The following ASTN2 variants were observed in gnomAD, a reference collection of about 807,000 sequenced individuals.
ASTN2 encodes the protein astrotactin-2.
Under a neutral mutation model 139.8 loss-of-function variants are expected in ASTN2, and 54 were observed. The ratio of observed to expected loss-of-function variants is 0.39; its 90% CI spans 0.31 to 0.48. The LOEUF is 0.48. Ranked by LOEUF, ASTN2 falls within the 20% of genes least tolerant of loss-of-function variation. The pLI is 0.95. For synonymous variants in ASTN2, 756 were observed against 719.5 expected, an observed-to-expected ratio of 1.05 and a Z score of -0.81; for missense variants, 1,565 against 1,725.1, an observed-to-expected ratio of 0.91 and a Z score of 1.64.
chr9:116,597,347 C>T (rs966323277), intron 19 of ASTN2, among the ~76,000 whole-genome samples: 2 of 109,400 alleles, frequency 1.8e-5, no homozygotes, highest in Non-Finnish European at 3.4e-5. Flanking sequence ...TCACTCTTGT[C>T]GCCAGGCTGG....
chr9:117,138,923 C>T (rs1381239437), intron 4 of ASTN2, among the ~76,000 whole-genome samples: 2 of 151,908 alleles, frequency 1.3e-5, no homozygotes, highest in Non-Finnish European at 2.9e-5. Context: ...TAGGAGCAGC[C>T]CAAATGCCTA....
chr9:116,426,900 T>C (rs1047838441), intron 22 of ASTN2, among the ~76,000 whole-genome samples: 2 of 152,174 alleles, frequency 1.3e-5, no homozygotes, highest in Admixed American at 1.3e-4. Flanking sequence ...CAATAAATGA[T>C]AGCTACTCTT....
In ASTN2 at chr9:116,699,612, C is replaced by G. The variant is rs1564218609; in HGVS notation, c.2806+26159G>C. The G allele has an allele frequency of 1.2e-6, 2 of 1,614,184 alleles. No homozygotes were observed. Among genetic ancestry groups the G allele is most frequent in the Non-Finnish European group, 8.5e-7 (1 of 1,180,022 alleles). ...ACTTACCTGTCCGGTGGGCATAGCC[C>G]TAACTCCTAAGGGGCAGCTGCTGGT... On this transcript the variant is annotated intron_variant, in intron 16 of 22. Transcript: ENST00000313400. This position sits in a 1 kb window ranked among gnomAD's most constrained non-coding sequence, Gnocchi z 4.2.
chr9:116,616,937 C>T (rs574129109), intron 19 of ASTN2, among the ~76,000 whole-genome samples: 29 of 152,200 alleles, frequency 1.9e-4, no homozygotes, highest in South Asian at 6.2e-4. Flanking sequence ...CTTGCGCAAA[C>T]ACATATGCAC....
intron 16 of ASTN2, among the ~76,000 whole-genome samples, chr9:116,712,851 A>C (rs544449749): frequency 2.0e-5 from 3 of 152,318 alleles, no homozygotes; most frequent in African/African-American, 7.2e-5. Flanking sequence ...CGAACGTAAA[A>C]ATGTGACCTT....
At chr9:117,266,599 T>G (rs185600249) in intron 2 of ASTN2, among the ~76,000 whole-genome samples, 104 of 152,312 alleles carry the variant, frequency 6.8e-4, no homozygotes, top group Middle Eastern at 3.4e-3. Context: ...TTCTCCTAGA[T>G]AACTACACTG....
chr9:117,084,306 G>A (rs1828505760), intron 5 of ASTN2, among the ~76,000 whole-genome samples: 1 of 152,168 alleles, frequency 6.6e-6, no homozygotes, highest in Admixed American at 6.5e-5. Flanking sequence ...CAGAAAGCCT[G>A]TATAAACTAC....
intron 2 of ASTN2, among the ~76,000 whole-genome samples, chr9:117,269,650 G>A (rs1333401293): frequency 6.6e-6 from 1 of 152,212 alleles, no homozygotes; most frequent in Non-Finnish European, 1.5e-5. Context: ...CTGAGGTTCA[G>A]CGTGGGCAAG....
chr9:117,299,530 T>C (rs941374200), intron 1 of ASTN2, among the ~76,000 whole-genome samples: 7 of 152,146 alleles, frequency 4.6e-5, no homozygotes, highest in African/African-American at 1.4e-4. Context: ...AGATGGAGAA[T>C]TGGCACAAGG....
At chr9:116,640,757 G>A (rs764654742) in intron 17 of ASTN2, among the ~76,000 whole-genome samples, 3 of 152,236 alleles carry the variant, frequency 2.0e-5, no homozygotes, top group Non-Finnish European at 4.4e-5. Flanking sequence ...TTTTAATCAC[G>A]AAAGTGATGT....
chr9:116,803,206 C>T (rs1169956988), intron 13 of ASTN2, among the ~76,000 whole-genome samples: 1 of 151,924 alleles, frequency 6.6e-6, no homozygotes, highest in Non-Finnish European at 1.5e-5. Flanking sequence ...GACACACTTT[C>T]ATAGACCATT....
intron 2 of ASTN2, among the ~76,000 whole-genome samples, chr9:117,267,576 A>G (rs1321842771): frequency 1.3e-5 from 2 of 152,350 alleles, no homozygotes; most frequent in Non-Finnish European, 2.9e-5. Context: ...CCATCTTTGC[A>G]AAGTTTCTGC....
intron 5 of ASTN2, among the ~76,000 whole-genome samples, chr9:117,067,265 T>C (rs1463560614): frequency 1.5e-5 from 2 of 129,910 alleles, no homozygotes; most frequent in Non-Finnish European, 3.5e-5. Flanking sequence ...AAATAGGGAA[T>C]CCTTTCCCCA....
At chr9:117,258,469 C>T (rs1325743229) in intron 2 of ASTN2, among the ~76,000 whole-genome samples, 1 of 152,132 alleles carries the variant, frequency 6.6e-6, no homozygotes, top group African/African-American at 2.4e-5. Flanking sequence ...GTCTGTGTGA[C>T]AGTTTGCAGC....
intron 2 of ASTN2, among the ~76,000 whole-genome samples, chr9:117,220,649 G>T (rs764124019): frequency 6.6e-6 from 1 of 152,142 alleles, no homozygotes; most frequent in South Asian, 2.1e-4. Flanking sequence ...CAGCAACCAT[G>T]AGAAACTGGT....
chr9:116,921,823 G>C (rs1378572709), intron 10 of ASTN2, among the ~76,000 whole-genome samples: 1 of 152,122 alleles, frequency 6.6e-6, no homozygotes, highest in Non-Finnish European at 1.5e-5. Context: ...TATGAGAACA[G>C]TATGGGGGAA....
chr9:117,220,746 A>G (rs139278498), intron 2 of ASTN2, among the ~76,000 whole-genome samples: 1 of 152,268 alleles, frequency 6.6e-6, no homozygotes, highest in East Asian at 1.9e-4. Context: ...CTCCTGAACC[A>G]TGAAAGAATA....
chr9:116,662,245 G>A (rs1858604519), intron 16 of ASTN2, among the ~76,000 whole-genome samples: 1 of 152,008 alleles, frequency 6.6e-6, no homozygotes, highest in Non-Finnish European at 1.5e-5. Flanking sequence ...GTATAAAATA[G>A]GCGAATATCA....
At chr9:117,090,992 C>G (rs1828691723) in intron 5 of ASTN2, among the ~76,000 whole-genome samples, 1 of 152,208 alleles carries the variant, frequency 6.6e-6, no homozygotes, top group South Asian at 2.1e-4. Flanking sequence ...CAGTCACACT[C>G]AAAGAACCCA....
Sources: allele counts gnomAD v4.1 joint callset (sites outside exome capture counted in the v4.1 genomes callset), GRCh38; gene constraint gnomAD v4.1.1; non-coding constraint Gnocchi (gnomAD v3.1); transcripts MANE v1.5; gene names NCBI Gene and HGNC (gene_info 2026-07-23, HGNC 2026-07-21).